TRIQK: variants seen among roughly 807,000 people sequenced by gnomAD.
TRIQK encodes triple QxxK/R motif containing, also known as triple QxxK/R motif-containing protein.
In TRIQK, 10 loss-of-function variants were observed where a neutral mutation model predicts 10.8. The observed-to-expected ratio is 0.92, with a 90% CI of 0.57 to 1.57. TRIQK has a LOEUF of 1.57. TRIQK is among the 40% of genes most tolerant of loss of function. The probability of loss-of-function intolerance (pLI) is 0.00; values close to 1 mark genes in which losing one functional copy is unlikely to be tolerated. For missense variants in TRIQK, 107 were observed against 97.7 expected (o/e 1.09, Z -0.40); for synonymous variants, 33 against 33.7 (o/e 0.98, Z 0.07).
chr8:92,911,789 A>C (rs1053127345), intron 3 of TRIQK, among the ~76,000 whole-genome samples: 5 of 150,244 alleles, frequency 3.3e-5, no homozygotes, highest in African/African-American at 4.9e-5. Flanking sequence ...ATATACATAT[A>C]TACATATATA....
intron 1 of TRIQK, among the ~76,000 whole-genome samples, chr8:93,004,728 C>T (rs1302162788): frequency 3.9e-5 from 6 of 152,196 alleles, no homozygotes; most frequent in African/African-American, 1.4e-4. Context: ...GAAATTTCTT[C>T]CTCCAGATAC....
At chr8:92,903,909 A>G (rs2130364014) in intron 3 of TRIQK, among the ~76,000 whole-genome samples, 1 of 152,232 alleles carries the variant, frequency 6.6e-6, no homozygotes, top group African/African-American at 2.4e-5. Context: ...AGCACTAAAA[A>G]GAAGAATACA....
intron 1 of TRIQK, among the ~76,000 whole-genome samples, chr8:92,996,000 C>T (rs1049045468): frequency 3.3e-5 from 5 of 152,016 alleles, no homozygotes; most frequent in African/African-American, 1.2e-4. Flanking sequence ...ACTGTCAGAT[C>T]TCTGTTGAGG....
intron 1 of TRIQK, among the ~76,000 whole-genome samples, chr8:92,971,490 A>G (rs940510407): frequency 8.5e-5 from 13 of 152,136 alleles, no homozygotes; most frequent in African/African-American, 2.9e-4. Context: ...AAGCAATTTT[A>G]TACACCAACA....
At chr8:92,924,404 C>T (rs921946225) in intron 2 of TRIQK, among the ~76,000 whole-genome samples, 1 of 151,978 alleles carries the variant, frequency 6.6e-6, no homozygotes, top group Admixed American at 6.6e-5. Context: ...TGTTCCAGTG[C>T]ACTAGGAAAT....
At chr8:92,918,426 A>C (rs1179300331) in intron 2 of TRIQK, among the ~76,000 whole-genome samples, 6 of 151,968 alleles carry the variant, frequency 3.9e-5, no homozygotes, top group Non-Finnish European at 5.9e-5. Context: ...TGTAACTAGG[A>C]TGAGATGATA....
At position 92,971,698 on chromosome 8, in the gene TRIQK, A is replaced by G. The variant is rs113016861; in HGVS notation, c.-180-17134T>C. On this transcript the variant is annotated intron_variant, in intron 1 of 4. Transcript: ENST00000520686. ...CCATGCTCATGAATAGGAAATATCA[A>G]TATCCTGAAAATGGCCATATTGCCC... 1.0e-2 allele frequency among the ~76,000 whole-genome samples: 1,516 copies of G among 152,328 alleles called. 24 individuals are homozygous for G. Among genetic ancestry groups the G allele is most frequent in the African/African-American group, 0.035 (1,447 of 41,576 alleles).
chr8:92,927,435 A>C lies in TRIQK; in HGVS notation c.-21-10425T>G, dbSNP rs374565280. Reference sequence around the variant, plus strand: ...AACCAAATTTGAAAGTAAAAAAAAAACAAATAACAAAATTTGGGAGTAAAA... The same window carrying C: ...AACCAAATTTGAAAGTAAAAAAAAACCAAATAACAAAATTTGGGAGTAAAA... On this transcript the variant is annotated intron_variant, in intron 2 of 4. Coordinates refer to ENST00000521988, the MANE Select transcript of TRIQK (RefSeq NM_001171797.2). Among the ~76,000 whole-genome samples the C allele has an allele frequency of 1.1e-3, 164 of 148,680 alleles. 1 individual carries two copies. Among genetic ancestry groups the C allele is most frequent in the African/African-American group, 3.9e-3 (159 of 40,324 alleles).
At chr8:92,970,597 C>T (rs1191477249), upstream of TRIQK, among the ~76,000 whole-genome samples, 2 of 152,086 alleles carry the variant, frequency 1.3e-5, no homozygotes, top group Non-Finnish European at 2.9e-5. Flanking sequence ...ACATAGATGT[C>T]TTCTTTTGAG....
chr8:92,919,470 C>T (rs1297761190), intron 2 of TRIQK, among the ~76,000 whole-genome samples: 1 of 151,968 alleles, frequency 6.6e-6, no homozygotes, highest in East Asian at 1.9e-4. Context: ...TGAACCATCC[C>T]TGCATCACTG....
chr8:93,001,914 C>T (rs1813214834), intron 1 of TRIQK, among the ~76,000 whole-genome samples: 1 of 152,212 alleles, frequency 6.6e-6, no homozygotes, highest in Middle Eastern at 3.4e-3. Context: ...TGTCAGAAGA[C>T]AGAGCTCATA....
At chr8:92,947,779 T>C (rs547958077) in intron 2 of TRIQK, among the ~76,000 whole-genome samples, 106 of 152,174 alleles carry the variant, frequency 7.0e-4, no homozygotes, top group African/African-American at 2.5e-3. Flanking sequence ...TAATACAAGA[T>C]GGTTTACCAA....
At position 92,884,070 on chromosome 8, in the gene TRIQK, C is replaced by T. The variant is rs1300690753; in HGVS notation, c.*2552G>A. The T allele has an allele frequency of 6.6e-6, 1 of 151,684 alleles. No individual in the cohort carries two copies. The highest frequency in any genetic ancestry group is 1.5e-5 in the Non-Finnish European group (1 of 67,830). 9.4% of individuals were successfully genotyped at this position (151,684 alleles called of 1,614,324 possible). A position where few individuals can be genotyped will look rare whatever the true frequency, so the allele number is the denominator to read the frequency against. On this transcript the variant is annotated 3_prime_UTR_variant, in exon 5 of 5. Coordinates refer to ENST00000521988, the MANE Select transcript of TRIQK (RefSeq NM_001171797.2). Reference sequence around the variant, plus strand: ...GAGTATGTTAACAAACATATTCTAACACTTAAAAAATCATTACAATTTTTT... The same window carrying T: ...GAGTATGTTAACAAACATATTCTAATACTTAAAAAATCATTACAATTTTTT...
intron 1 of TRIQK, among the ~76,000 whole-genome samples, chr8:92,991,695 G>A (rs1024873711): frequency 1.1e-4 from 16 of 152,298 alleles, no homozygotes; most frequent in South Asian, 4.1e-4. Context: ...ATTCAAATGG[G>A]AAGAGAGGAA....
At chr8:92,967,821 C>CAAAA (rs34531122), upstream of TRIQK, among the ~76,000 whole-genome samples, 2 of 82,288 alleles carry the variant, frequency 2.4e-5, no homozygotes, top group Non-Finnish European at 4.4e-5. Flanking sequence ...GACTCCATCT[C>CAAAA]AAAAAAAAAA....
At chr8:92,910,574 T>C (rs928683944) in intron 3 of TRIQK, among the ~76,000 whole-genome samples, 3 of 150,884 alleles carry the variant, frequency 2.0e-5, no homozygotes, top group Admixed American at 2.0e-4. Flanking sequence ...ACAAAGATTC[T>C]CCACCTATAT....
At chr8:92,970,183 C>T (rs554106210), upstream of TRIQK, among the ~76,000 whole-genome samples, 27 of 152,266 alleles carry the variant, frequency 1.8e-4, no homozygotes, top group African/African-American at 6.5e-4. Context: ...TTTCTTTATC[C>T]AGTCTATCAT....
intron 3 of TRIQK, among the ~76,000 whole-genome samples, chr8:92,900,806 A>G (rs1335137456): frequency 2.6e-5 from 4 of 152,056 alleles, no homozygotes; most frequent in African/African-American, 9.7e-5. Context: ...TAGAGATTGC[A>G]TTGAATTTAT....
chr8:93,004,592 A>G (rs578253608), intron 1 of TRIQK, among the ~76,000 whole-genome samples: 45 of 152,320 alleles, frequency 3.0e-4, no homozygotes, highest in Non-Finnish European at 5.6e-4. Context: ...CCCATGGTTG[A>G]GCCGCAAATT....
Sources: allele counts gnomAD v4.1 joint callset (sites outside exome capture counted in the v4.1 genomes callset), GRCh38; gene constraint gnomAD v4.1.1; transcripts MANE v1.5; gene names NCBI Gene and HGNC (gene_info 2026-07-23, HGNC 2026-07-21).